The following SFMBT2 variants were observed in gnomAD, a reference collection of about 807,000 sequenced individuals.
The protein encoded by SFMBT2 is Scm like with four mbt domains 2.
In SFMBT2, 38 loss-of-function variants were observed where a neutral mutation model predicts 110.1. That is an observed-to-expected ratio of 0.35 (90% CI 0.27 to 0.45). SFMBT2 has a LOEUF of 0.45. Ranked by LOEUF, SFMBT2 falls within the 20% of genes least tolerant of loss-of-function variation. The probability of loss-of-function intolerance (pLI) is 1.00; values close to 1 mark genes in which losing one functional copy is unlikely to be tolerated. For missense variants in SFMBT2, 1,011 were observed against 1,094.9 expected, an observed-to-expected ratio of 0.92 and a Z score of 1.08; for synonymous variants, 425 against 425.4, an observed-to-expected ratio of 1.00 and a Z score of 0.01.
intron 11 of SFMBT2, chr10:7,206,474 G>A (rs1839141590): frequency 1.0e-6 from 1 of 985,390 alleles, no homozygotes. Context: ...AGTGTACGTG[G>A]ACAAGGCCCT....
chr10:7,268,439 A>G (rs1841464015), intron 7 of SFMBT2, among the ~76,000 whole-genome samples: 1 of 152,226 alleles, frequency 6.6e-6, no homozygotes, highest in Non-Finnish European at 1.5e-5. Flanking sequence ...GGGATATGTC[A>G]TAAGTTAATC....
chr10:7,296,761 T>G (rs538563675), intron 4 of SFMBT2, among the ~76,000 whole-genome samples: 7 of 152,294 alleles, frequency 4.6e-5, no homozygotes, highest in Admixed American at 2.6e-4. Context: ...TGGGTGAGAT[T>G]AACATTTTAA....
At chr10:7,213,409 T>C (rs1051881964) in intron 11 of SFMBT2, among the ~76,000 whole-genome samples, 2 of 151,158 alleles carry the variant, frequency 1.3e-5, no homozygotes, top group African/African-American at 2.4e-5. Flanking sequence ...CTGAGTGCAA[T>C]GTGGGGGCCA....
intron 4 of SFMBT2, among the ~76,000 whole-genome samples, chr10:7,323,468 A>AC (rs1843265186): frequency 9.0e-6 from 1 of 111,066 alleles, no homozygotes; most frequent in Non-Finnish European, 1.8e-5. Flanking sequence ...AAAAAAAAAA[A>AC]CCAAAAAAAA....
chr10:7,207,022 T>C, intron 11 of SFMBT2: 1 of 569,588 alleles, frequency 1.8e-6, no homozygotes, highest in Non-Finnish European at 2.2e-6. Context: ...GCCTAGGAGT[T>C]CAAGATCAGC....
intron 1 of SFMBT2, among the ~76,000 whole-genome samples, chr10:7,385,807 G>A (rs1331830864): frequency 3.3e-5 from 5 of 152,048 alleles, no homozygotes; most frequent in South Asian, 2.1e-4. Flanking sequence ...AGACCATCCT[G>A]GCTAACACGG....
chr10:7,279,032 C>T (rs1280666348), intron 6 of SFMBT2, among the ~76,000 whole-genome samples: 2 of 150,302 alleles, frequency 1.3e-5, no homozygotes, highest in Non-Finnish European at 3.0e-5. Context: ...ACCCTGGAGG[C>T]GGAGGTTGCA....
At chr10:7,346,005 T>G (rs1844096782) in intron 4 of SFMBT2, among the ~76,000 whole-genome samples, 1 of 152,194 alleles carries the variant, frequency 6.6e-6, no homozygotes, top group Non-Finnish European at 1.5e-5. Context: ...TGCTACCATG[T>G]GTAGGACAAA....
chr10:7,349,737 G>A (rs1304954846), intron 4 of SFMBT2, among the ~76,000 whole-genome samples: 1 of 151,826 alleles, frequency 6.6e-6, no homozygotes, highest in Non-Finnish European at 1.5e-5. Context: ...GGGATTACAG[G>A]TGTGAGCCAC....
At chr10:7,369,697 A>G (rs1456682595) in intron 3 of SFMBT2, among the ~76,000 whole-genome samples, 1 of 152,310 alleles carries the variant, frequency 6.6e-6, no homozygotes, top group Non-Finnish European at 1.5e-5. Flanking sequence ...ACATACAGCC[A>G]TTACACCTAC....
rs915021644 is a variant in SFMBT2, at chr10:7,227,727, G to C, written c.1203+128C>G. ...AAAGCAGAGCTTTCCAAAAACTACA[G>C]ACATTTTGTAGTTCTCCAGTGCACT... On this transcript the variant is annotated intron_variant, in intron 10 of 20. Coordinates refer to ENST00000397167, the MANE Select transcript of SFMBT2 (RefSeq NM_001387889.1). 4 of 749,982 alleles carry C rather than the reference G, an allele frequency of 5.3e-6. No individual in the cohort carries two copies. In the African/African-American group the frequency reaches 7.3e-5, roughly 14 times the overall value. 46.5% of individuals were successfully genotyped at this position (749,982 alleles called of 1,614,324 possible).
intron 4 of SFMBT2, among the ~76,000 whole-genome samples, chr10:7,316,875 C>T (rs941421195): frequency 1.6e-5 from 2 of 121,278 alleles, no homozygotes; most frequent in Non-Finnish European, 1.7e-5. Context: ...CCTCCCTCCC[C>T]ACACATAAAC....
chr10:7,220,613 A>G, intron 10 of SFMBT2, 76 bp from the exon 11 acceptor site: 1 of 1,488,594 alleles, frequency 6.7e-7, no homozygotes, highest in South Asian at 1.1e-5. Context: ...AGAAAGAGAA[A>G]GAAATGCACG....
chr10:7,342,365 T>C (rs1456558078), intron 4 of SFMBT2, among the ~76,000 whole-genome samples: 3 of 143,820 alleles, frequency 2.1e-5, no homozygotes, highest in African/African-American at 5.0e-5. Context: ...ACGGAGAGCC[T>C]ACAGAATTTA....
At chr10:7,257,567 T>C (rs918453139) in intron 7 of SFMBT2, among the ~76,000 whole-genome samples, 15 of 152,148 alleles carry the variant, frequency 9.9e-5, no homozygotes, top group Non-Finnish European at 4.4e-5. Context: ...AGTATTAATC[T>C]ACAGACAGCA....
At chr10:7,281,783 C>T (rs1240009683) in intron 6 of SFMBT2, among the ~76,000 whole-genome samples, 1 of 152,166 alleles carries the variant, frequency 6.6e-6, no homozygotes, top group Non-Finnish European at 1.5e-5. Flanking sequence ...CATAACCTTT[C>T]CTGTTGATGA....
chr10:7,197,649 T>G lies in SFMBT2; in HGVS notation c.1597A>C (p.Ile533Leu). 6.2e-7 allele frequency: 1 copy of G among 1,614,192 alleles called. No homozygotes were observed. Among genetic ancestry groups the G allele is most frequent in the Non-Finnish European group, 8.5e-7 (1 of 1,180,032 alleles). The change falls in exon 15 of 21, where the codon ATC becomes CTC. Residue 533 changes from isoleucine (I) to leucine (L), a missense_variant. Around this residue, in one of 2 missense-constraint regions of SFMBT2, gnomAD observed 979 missense variants for 1,016.1 expected, o/e 0.96. Transcript: ENST00000397167. ...GGGCCTGAGAAACACCTGTGGTTGA[T>G]GAAGAGCTGAGGACAGCAGTATTTC... ...NGKYCCPQLF[I>L]NHRCFSGPYL...
At chr10:7,322,122 C>T (rs1564439413) in intron 4 of SFMBT2, among the ~76,000 whole-genome samples, 1 of 152,168 alleles carries the variant, frequency 6.6e-6, no homozygotes, top group African/African-American at 2.4e-5. Flanking sequence ...GGGAGGGACC[C>T]ACTAGGGGGG....
intron 4 of SFMBT2, among the ~76,000 whole-genome samples, chr10:7,357,960 G>A (rs188954123): frequency 7.9e-5 from 12 of 151,846 alleles, no homozygotes; most frequent in East Asian, 1.9e-4. Context: ...GCATGGCCCC[G>A]GAATGAATGG....
Sources: allele counts gnomAD v4.1 joint callset (sites outside exome capture counted in the v4.1 genomes callset), GRCh38; gene constraint gnomAD v4.1.1; regional missense constraint gnomAD v4.1.1; transcripts MANE v1.5; gene names NCBI Gene and HGNC (gene_info 2026-07-23, HGNC 2026-07-21).